RHOBTB1: variants seen among roughly 807,000 people sequenced by gnomAD.
The protein encoded by RHOBTB1 is rho-related BTB domain-containing protein 1.
Under a neutral mutation model 71.6 loss-of-function variants are expected in RHOBTB1, and 40 were observed. That is an observed-to-expected ratio of 0.56 (90% confidence interval 0.43 to 0.73). The LOEUF (loss-of-function observed/expected upper bound fraction) is 0.73. Ranked by LOEUF, RHOBTB1 falls within the 30% of genes least tolerant of loss-of-function variation. RHOBTB1 has a pLI of 0.00. For synonymous variants in RHOBTB1, 319 were observed against 334.9 expected (o/e 0.95, Z 0.52); for missense variants, 797 against 894.0 (o/e 0.89, Z 1.38).
intron 2 of RHOBTB1, among the ~76,000 whole-genome samples, chr10:60,979,851 T>C (rs2086434975): frequency 6.6e-6 from 1 of 152,224 alleles, no homozygotes. Flanking sequence ...TTCATGGAAG[T>C]GAGAGAGCAG....
chr10:60,977,379 C>T (rs115234868), intron 2 of RHOBTB1, among the ~76,000 whole-genome samples: 2 of 152,032 alleles, frequency 1.3e-5, no homozygotes, highest in African/African-American at 4.8e-5. Context: ...TGTATGGCTG[C>T]TTATGCTCCT....
intron 2 of RHOBTB1, among the ~76,000 whole-genome samples, chr10:60,939,890 T>C (rs547030562): frequency 6.6e-6 from 1 of 152,218 alleles, no homozygotes; most frequent in Non-Finnish European, 1.5e-5. Flanking sequence ...TTATTAGAGA[T>C]GCCATGCTAA....
At chr10:60,914,705 G>A (rs900288293) in intron 2 of RHOBTB1, among the ~76,000 whole-genome samples, 2 of 152,170 alleles carry the variant, frequency 1.3e-5, no homozygotes, top group African/African-American at 4.8e-5. Context: ...TACTTTGAGA[G>A]TAACAGGAGC....
intron 2 of RHOBTB1, among the ~76,000 whole-genome samples, chr10:60,929,705 C>A (rs967829302): frequency 6.6e-6 from 1 of 151,752 alleles, no homozygotes; most frequent in Admixed American, 6.6e-5. Context: ...CTTCATAGAC[C>A]AAAAAGCATA....
At chr10:60,946,431 G>A (rs1437068097), upstream of RHOBTB1, among the ~76,000 whole-genome samples, 1 of 152,116 alleles carries the variant, frequency 6.6e-6, no homozygotes, top group East Asian at 1.9e-4. Flanking sequence ...TATGTGGGGG[G>A]GCACAGGGCT....
chr10:60,991,671 T>A (rs1025155770), intron 1 of RHOBTB1, among the ~76,000 whole-genome samples: 4 of 152,016 alleles, frequency 2.6e-5, no homozygotes, highest in Non-Finnish European at 4.4e-5. Context: ...GACCTTGTGA[T>A]CCACCCGCCT....
intron 7 of RHOBTB1, among the ~76,000 whole-genome samples, chr10:60,883,708 A>C (rs1460010845): frequency 6.6e-6 from 1 of 152,234 alleles, no homozygotes; most frequent in Non-Finnish European, 1.5e-5. Context: ...ATCACTACCA[A>C]CAACATCAGA....
downstream of RHOBTB1, among the ~76,000 whole-genome samples, chr10:60,868,995 G>T (rs148547603): frequency 6.6e-6 from 1 of 152,300 alleles, no homozygotes; most frequent in African/African-American, 2.4e-5. Context: ...GGTAAACATT[G>T]TATTACCTAG....
chr10:60,867,879 CT>C (rs1324987481), downstream of RHOBTB1, among the ~76,000 whole-genome samples: 32 of 152,178 alleles, frequency 2.1e-4, no homozygotes, highest in Non-Finnish European at 1.5e-5. Flanking sequence ...CATATATCAC[CT>C]GCTTCCTAAT....
At position 60,888,968 on chromosome 10, in the gene RHOBTB1, G is replaced by A. The variant is rs752968691; in HGVS notation, c.700C>T (p.Leu234=). Residue 234 remains leucine, a synonymous_variant, in exon 6 of 11, where the codon CTA becomes TTA. Transcript: ENST00000337910. ...ACCGGTGGAGGGGCTTTTGGAGGTA[G>A]GAAGGGTGCCTGAAGTAAAGGTTTC... ...VQKPLLQAPF[L]PPKAPPPVIK... 1.2e-6 allele frequency: 2 copies of A among 1,614,050 alleles called. No homozygotes were observed. The highest frequency in any genetic ancestry group is 1.7e-6 in the Non-Finnish European group (2 of 1,180,036).
chr10:60,978,178 A>G (rs2086377478), intron 2 of RHOBTB1, among the ~76,000 whole-genome samples: 1 of 152,172 alleles, frequency 6.6e-6, no homozygotes, highest in African/African-American at 2.4e-5. Flanking sequence ...AGCATACACA[A>G]AACTGAGCTG....
At chr10:60,919,076 G>A (rs1314101603) in intron 2 of RHOBTB1, among the ~76,000 whole-genome samples, 1 of 152,268 alleles carries the variant, frequency 6.6e-6, no homozygotes, top group African/African-American at 2.4e-5. Context: ...AAGGCATGGT[G>A]AGCAGTCTGC....
the RHOBTB1 span, among the ~76,000 whole-genome samples, chr10:60,863,377 C>T: frequency 0.13 from 19,821 of 151,930 alleles, 1,362 homozygotes; most frequent in East Asian, 0.22. Context: ...ACAGTGGCAA[C>T]AGAGGATGCA....
chr10:60,933,378 G>A (rs535894922), intron 2 of RHOBTB1, among the ~76,000 whole-genome samples: 21 of 152,230 alleles, frequency 1.4e-4, no homozygotes, highest in African/African-American at 4.6e-4. Context: ...CCAATTTTAA[G>A]GTTTTATTCC....
intron 2 of RHOBTB1, among the ~76,000 whole-genome samples, chr10:60,971,512 A>T (rs919651076): frequency 2.0e-5 from 3 of 152,134 alleles, no homozygotes; most frequent in Admixed American, 6.6e-5. Flanking sequence ...CTGAAACTGG[A>T]CCCATTCCTT....
intron 2 of RHOBTB1, among the ~76,000 whole-genome samples, chr10:60,915,737 C>A (rs2083236385): frequency 6.6e-6 from 1 of 152,184 alleles, no homozygotes; most frequent in Non-Finnish European, 1.5e-5. Context: ...TACAGAATCA[C>A]CCCATCTGGT....
At chr10:60,862,813 TTC>T in the RHOBTB1 span, among the ~76,000 whole-genome samples, 9 of 150,544 alleles carry the variant, frequency 6.0e-5, no homozygotes, top group South Asian at 2.1e-4. Flanking sequence ...TTCCTTTCTT[TTC>T]TCTCTTTCAT....
At chr10:60,880,444 ACCCATCCCTTAAC>A (rs1374809006) in intron 7 of RHOBTB1, among the ~76,000 whole-genome samples, 3 of 152,112 alleles carry the variant, frequency 2.0e-5, no homozygotes, top group Non-Finnish European at 4.4e-5. Context: ...AGATAGGTAG[ACCCATCCCTTAAC>A]GTATCATAGG....
At chr10:60,970,861 C>T (rs750535572) in intron 2 of RHOBTB1, among the ~76,000 whole-genome samples, 1 of 152,002 alleles carries the variant, frequency 6.6e-6, no homozygotes, top group Non-Finnish European at 1.5e-5. Flanking sequence ...AAATAATCAA[C>T]TGAATGCTAA....
Sources: gnomAD v4.1 joint callset for allele counts (sites outside exome capture counted in the v4.1 genomes callset) on GRCh38, gnomAD v4.1.1 for gene constraint, MANE v1.5 for transcripts, NCBI Gene and HGNC (gene_info 2026-07-23, HGNC 2026-07-21) for gene names.